Variants in KCNK10 observed in about 807,000 individuals in gnomAD.
KCNK10 encodes the protein potassium channel subfamily K member 10.
KCNK10 carries 25 observed loss-of-function variants against 47.7 expected under a neutral mutation model. That is an observed-to-expected ratio of 0.52 (90% CI 0.38 to 0.73). The LOEUF (loss-of-function observed/expected upper bound fraction) is 0.73. Among genes scored for constraint, KCNK10 ranks in the 30% least tolerant of loss-of-function variants. The probability of loss-of-function intolerance (pLI) is 0.00; values close to 1 mark genes in which losing one functional copy is unlikely to be tolerated. For missense variants in KCNK10, 563 were observed against 714.5 expected (o/e 0.79, Z 2.42); for synonymous variants, 303 against 285.6 (o/e 1.06, Z -0.61).
At chr14:88,211,894 CAAA>C (rs59401189) in intron 4 of KCNK10, among the ~76,000 whole-genome samples, 9,088 of 113,676 alleles carry the variant, frequency 0.08, 540 homozygotes, top group East Asian at 0.28. Flanking sequence ...GACTTCATCT[CAAA>C]AAAAAAAAAA....
chr14:88,185,616 A>G lies in KCNK10; in HGVS notation c.1551T>C (p.Ala517=), dbSNP rs1198624703. The stretch of plus-strand genomic sequence containing the variant: ...TGGGTATCATTCCGTTCTCCAACTC[A>G]GCGTGCTGCTGGATACAGTCCGTCA... The part of the protein sequence containing the change: ...AMLTDCIQQH[A]ELENGMIPTD... The change falls in exon 7 of 7, where the codon GCT becomes GCC. Residue 517 remains alanine (A), a synonymous_variant. Coordinates refer to ENST00000319231, the MANE Select transcript of KCNK10 (RefSeq NM_138317.3). The surrounding 1 kb of genome is among the most constrained non-coding windows in gnomAD (Gnocchi z 4.3). 1.2e-6 allele frequency: 2 copies of G among 1,613,986 alleles called. No homozygotes were observed. The highest frequency in any genetic ancestry group is 1.7e-6 in the Non-Finnish European group (2 of 1,180,018).
At chr14:88,242,006 G>A (rs373127369) in intron 2 of KCNK10, among the ~76,000 whole-genome samples, 1 of 152,216 alleles carries the variant, frequency 6.6e-6, no homozygotes, top group Non-Finnish European at 1.5e-5. Context: ...ATAAAAAAGC[G>A]ACAGGTGGAA....
intron 4 of KCNK10, among the ~76,000 whole-genome samples, chr14:88,208,126 T>C (rs1056702934): frequency 2.6e-5 from 4 of 152,264 alleles, no homozygotes; most frequent in Non-Finnish European, 4.4e-5. Context: ...TTGACCCATA[T>C]AATCTTTTCA....
intron 2 of KCNK10, 96 bp downstream of exon 2, chr14:88,263,106 T>A: frequency 1.0e-6 from 1 of 991,720 alleles, no homozygotes; most frequent in Non-Finnish European, 1.5e-6. Context: ...ACCAAGAGCC[T>A]CTCAACTGAA....
intron 1 of KCNK10, among the ~76,000 whole-genome samples, chr14:88,281,637 C>T (rs188131531): frequency 3.0e-4 from 45 of 151,912 alleles, no homozygotes; most frequent in African/African-American, 1.0e-3. Context: ...TCCTGGGTCG[C>T]CAGCTTGCTG....
At chr14:88,225,397 C>G (rs2139869828) in intron 4 of KCNK10, among the ~76,000 whole-genome samples, 1 of 152,122 alleles carries the variant, frequency 6.6e-6, no homozygotes, top group South Asian at 2.1e-4. Flanking sequence ...GGACAATCAG[C>G]ATAAAGATGA....
intron 4 of KCNK10, among the ~76,000 whole-genome samples, chr14:88,202,606 C>G (rs1885136274): frequency 6.6e-6 from 1 of 152,208 alleles, no homozygotes; most frequent in East Asian, 1.9e-4. Context: ...CCCGCCACTC[C>G]CCAGACCATT....
rs746644767 is a variant in KCNK10 at position 88,240,710 on chromosome 14, C to T, written c.513G>A (p.Thr171=). The change falls in exon 3 of 7, where the codon ACG becomes ACA. Residue 171 remains threonine, a synonymous_variant. Transcript: ENST00000319231. ...SAFFFAGTVI[T]TIGYGNIAPS... is the part of the protein sequence containing the mutation. ...TAGCAAACAAACGGGTACCTATGGT[C>T]GTAATGACAGTTCCAGCAAAGAAAA... 14 of 1,604,478 alleles carry T rather than the reference C, an allele frequency of 8.7e-6. No individual in the cohort carries two copies. The highest frequency in any genetic ancestry group is 2.7e-5 in the African/African-American group (2 of 74,658).
At chr14:88,294,749 C>T (rs557185377) in intron 1 of KCNK10, among the ~76,000 whole-genome samples, 24 of 152,296 alleles carry the variant, frequency 1.6e-4, no homozygotes, top group African/African-American at 5.5e-4. Context: ...GGATCAGTTC[C>T]AGACTTGAAA....
At chr14:88,290,335 G>A (rs1887850368) in intron 1 of KCNK10, among the ~76,000 whole-genome samples, 1 of 152,166 alleles carries the variant, frequency 6.6e-6, no homozygotes, top group Non-Finnish European at 1.5e-5. Context: ...GCCCCCAGAA[G>A]GAAACAGCCC....
At chr14:88,298,591 T>G (rs528887392) in intron 1 of KCNK10, among the ~76,000 whole-genome samples, 15 of 152,160 alleles carry the variant, frequency 9.9e-5, no homozygotes, top group Non-Finnish European at 7.4e-5. Flanking sequence ...TATTTAAACC[T>G]TTCTTTTTCA....
intron 1 of KCNK10, among the ~76,000 whole-genome samples, chr14:88,272,245 A>G (rs1887423870): frequency 6.6e-6 from 1 of 152,224 alleles, no homozygotes; most frequent in Admixed American, 6.5e-5. Context: ...AATCAACGTG[A>G]GCTGTCCACA....
intron 4 of KCNK10, among the ~76,000 whole-genome samples, chr14:88,198,783 C>A (rs550800828): frequency 6.6e-6 from 1 of 152,164 alleles, no homozygotes; most frequent in South Asian, 2.1e-4. Flanking sequence ...GATCTCCTAT[C>A]TAATTCTGAG....
In KCNK10 at chr14:88,183,912, G is replaced by A. The variant is rs1314736755; in HGVS notation, c.*1623C>T. 3 of 152,344 alleles carry A rather than the reference G, an allele frequency of 2.0e-5. No homozygotes were observed. Among genetic ancestry groups the A allele is most frequent in the Admixed American group, 2.0e-4 (3 of 15,272 alleles). The allele number at this position is 152,344 out of a possible 1,614,324, so 9.4% of individuals were successfully genotyped here. On this transcript the variant is annotated 3_prime_UTR_variant, in exon 7 of 7. Coordinates refer to ENST00000319231, the MANE Select transcript of KCNK10 (RefSeq NM_138317.3). The stretch of plus-strand genomic sequence containing the variant: ...GATCTTTTGGTAAATCCACACTGCG[G>A]GTTAGTTACGTAAAATCCCGTGAAC...
chr14:88,259,342 G>T (rs28469158), intron 2 of KCNK10, among the ~76,000 whole-genome samples: 1 of 152,212 alleles, frequency 6.6e-6, no homozygotes, highest in East Asian at 1.9e-4. Flanking sequence ...TAAACACAAG[G>T]ATGAATCTGT....
intron 2 of KCNK10, among the ~76,000 whole-genome samples, chr14:88,254,581 C>T (rs903450617): frequency 3.9e-5 from 6 of 152,168 alleles, no homozygotes; most frequent in Non-Finnish European, 7.4e-5. Context: ...CGTCAGTCAG[C>T]GAAGGCTCCT....
At chr14:88,210,006 A>G (rs948151148) in intron 4 of KCNK10, among the ~76,000 whole-genome samples, 2 of 152,238 alleles carry the variant, frequency 1.3e-5, no homozygotes, top group Admixed American at 1.3e-4. Context: ...GAAATATACA[A>G]GCTAGACTTA....
chr14:88,322,893 C>T lies in KCNK10; in HGVS notation c.-95G>A. 6.3e-6 allele frequency: 10 copies of T among 1,594,800 alleles called. No individual in the cohort carries two copies. The highest frequency in any genetic ancestry group is 7.7e-6 in the Non-Finnish European group (9 of 1,170,612). ...GCCTCGGTTTAGCAGTCCAACAAAACAATTTCCGAGGATGGGGGAGCCTTG... is the reference window on the plus strand; with the variant it reads ...GCCTCGGTTTAGCAGTCCAACAAAATAATTTCCGAGGATGGGGGAGCCTTG... On this transcript the variant is annotated 5_prime_UTR_variant, in exon 1 of 7. Transcript: ENST00000319231. This position sits in a 1 kb window ranked among gnomAD's most constrained non-coding sequence, Gnocchi z 4.8.
chr14:88,248,955 C>A (rs1037497363), intron 2 of KCNK10, among the ~76,000 whole-genome samples: 3 of 152,136 alleles, frequency 2.0e-5, no homozygotes, highest in Non-Finnish European at 4.4e-5. Context: ...CTCACAAAAT[C>A]CTGTGAGGTT....
Sources: allele counts gnomAD v4.1 joint callset (sites outside exome capture counted in the v4.1 genomes callset), GRCh38; gene constraint gnomAD v4.1.1; non-coding constraint Gnocchi (gnomAD v3.1); transcripts MANE v1.5; gene names NCBI Gene and HGNC (gene_info 2026-07-23, HGNC 2026-07-21).